DOCK3: variants seen among roughly 807,000 people sequenced by gnomAD.
DOCK3 encodes the protein dedicator of cytokinesis 3.
A neutral mutation model predicts 265.6 loss-of-function variants in DOCK3; 60 were observed. The observed-to-expected ratio is 0.23, with a 90% CI of 0.18 to 0.28. The LOEUF (loss-of-function observed/expected upper bound fraction) is 0.28. DOCK3 is among the 10% of genes least tolerant of loss of function. The probability of loss-of-function intolerance (pLI) is 1.00; values close to 1 mark genes in which losing one functional copy is unlikely to be tolerated. For synonymous variants in DOCK3, 881 were observed against 938.0 expected (o/e 0.94, Z 1.11); for missense variants, 1,981 against 2,594.3 (o/e 0.76, Z 5.14).
At chr3:50,862,119 T>G (rs2046944821) in intron 3 of DOCK3, among the ~76,000 whole-genome samples, 1 of 152,212 alleles carries the variant, frequency 6.6e-6, no homozygotes. Flanking sequence ...GATTTGGTGG[T>G]GATTATTTCT....
At chr3:50,711,363 A>G (rs1179097324) in intron 1 of DOCK3, among the ~76,000 whole-genome samples, 1 of 150,634 alleles carries the variant, frequency 6.6e-6, no homozygotes, top group African/African-American at 2.4e-5. Flanking sequence ...CTGGGTTCAC[A>G]TCATTCTCCT....
chr3:51,230,992 T>A (rs892676723), intron 19 of DOCK3, among the ~76,000 whole-genome samples: 1 of 152,108 alleles, frequency 6.6e-6, no homozygotes, highest in Non-Finnish European at 1.5e-5. Flanking sequence ...GGGTCAAATG[T>A]TAGTTCTAAG....
At chr3:50,985,473 T>G (rs1379705753) in intron 5 of DOCK3, among the ~76,000 whole-genome samples, 1 of 152,196 alleles carries the variant, frequency 6.6e-6, no homozygotes, top group Admixed American at 6.5e-5. Context: ...TTTAATAGAT[T>G]AAAAACCCCT....
intron 9 of DOCK3, among the ~76,000 whole-genome samples, chr3:51,105,555 T>G (rs2083249261): frequency 6.6e-6 from 1 of 152,176 alleles, no homozygotes; most frequent in African/African-American, 2.4e-5. Context: ...ATACATACAT[T>G]GTATCTATAT....
intron 5 of DOCK3, among the ~76,000 whole-genome samples, chr3:51,056,147 A>G (rs1414719455): frequency 6.6e-6 from 1 of 152,266 alleles, no homozygotes; most frequent in East Asian, 1.9e-4. Flanking sequence ...TTTGTTTCAC[A>G]AAAATTTCTA....
chr3:50,797,743 G>A (rs1436622982), intron 2 of DOCK3, among the ~76,000 whole-genome samples: 2 of 152,152 alleles, frequency 1.3e-5, no homozygotes, highest in Non-Finnish European at 2.9e-5. Flanking sequence ...ATACCTCATT[G>A]TTGGTTTTGT....
At chr3:51,028,574 T>A (rs2079914680) in intron 5 of DOCK3, among the ~76,000 whole-genome samples, 1 of 152,180 alleles carries the variant, frequency 6.6e-6, no homozygotes, top group African/African-American at 2.4e-5. Flanking sequence ...ATGGGCTTGG[T>A]TGCTTTACAT....
intron 1 of DOCK3, among the ~76,000 whole-genome samples, chr3:50,707,500 A>G (rs975216810): frequency 6.6e-6 from 1 of 152,072 alleles, no homozygotes; most frequent in Admixed American, 6.5e-5. Context: ...ATAGCCTAAT[A>G]CATCCCTGTA....
At chr3:50,962,974 G>A (rs1559868321) in intron 5 of DOCK3, among the ~76,000 whole-genome samples, 2 of 152,190 alleles carry the variant, frequency 1.3e-5, no homozygotes, top group African/African-American at 4.8e-5. Context: ...ATCACCTGAG[G>A]TCAGGAGTTT....
At chr3:51,379,095 C>G (rs1417121246) in intron 51 of DOCK3, among the ~76,000 whole-genome samples, 1 of 152,200 alleles carries the variant, frequency 6.6e-6, no homozygotes, top group African/African-American at 2.4e-5. Context: ...TGTGCTCTCT[C>G]TATATTCTCT....
chr3:51,165,733 G>T (rs1417617167), intron 12 of DOCK3, among the ~76,000 whole-genome samples: 1 of 152,096 alleles, frequency 6.6e-6, no homozygotes, highest in African/African-American at 2.4e-5. Flanking sequence ...GCTTAGCACA[G>T]TGCCCCCTAG....
chr3:51,187,605 T>C (rs760726431), intron 12 of DOCK3, among the ~76,000 whole-genome samples: 1 of 152,146 alleles, frequency 6.6e-6, no homozygotes, highest in East Asian at 1.9e-4. Flanking sequence ...AAATCTCATC[T>C]TGTAGCTCTC....
chr3:51,093,078 G>A (rs141547442), intron 9 of DOCK3, among the ~76,000 whole-genome samples: 381 of 152,270 alleles, frequency 2.5e-3, no homozygotes, highest in Non-Finnish European at 4.5e-3. Flanking sequence ...TTTGGTTACC[G>A]TAGCCTTGTA....
chr3:50,833,246 G>A (rs191786737), intron 2 of DOCK3, among the ~76,000 whole-genome samples: 8 of 152,216 alleles, frequency 5.3e-5, no homozygotes, highest in East Asian at 3.9e-4. Context: ...ATAAAACTTC[G>A]AAACAACTGA....
chr3:51,271,311 A>C (rs1338101445), intron 24 of DOCK3, among the ~76,000 whole-genome samples: 1 of 152,222 alleles, frequency 6.6e-6, no homozygotes, highest in East Asian at 1.9e-4. Context: ...TGTAAACAGC[A>C]AACTTTCTCA....
rs147459880 is a variant in DOCK3 at position 51,262,050 on chromosome 3, G to C, written c.2355+1724G>C. Reference sequence around the variant, plus strand: ...AGGGAATGGGAGATCTCCCAGCACAGTGCTCGAGCTCTGCTAAGGGACAGA... The same window carrying C: ...AGGGAATGGGAGATCTCCCAGCACACTGCTCGAGCTCTGCTAAGGGACAGA... On this transcript the variant is annotated intron_variant, in intron 23 of 52. Coordinates refer to ENST00000266037, the MANE Select transcript of DOCK3 (RefSeq NM_004947.5). Among the ~76,000 whole-genome samples, 15 of 152,320 alleles carry C rather than the reference G, an allele frequency of 9.8e-5. No homozygotes were observed. The East Asian group carries it at 2.5e-3, about 25-fold the overall frequency.
chr3:51,295,010 A>C (rs2081999777), intron 27 of DOCK3, among the ~76,000 whole-genome samples: 1 of 152,234 alleles, frequency 6.6e-6, no homozygotes, highest in South Asian at 2.1e-4. Flanking sequence ...TAATAATTAT[A>C]TACAATTATT....
At chr3:50,775,720 G>A (rs1245621337) in intron 1 of DOCK3, among the ~76,000 whole-genome samples, 3 of 152,024 alleles carry the variant, frequency 2.0e-5, no homozygotes, top group Non-Finnish European at 2.9e-5. Context: ...TATCCAATAT[G>A]TAGTCTTTTA....
intron 1 of DOCK3, among the ~76,000 whole-genome samples, chr3:50,776,497 A>G (rs1053382457): frequency 2.7e-5 from 4 of 150,850 alleles, no homozygotes; most frequent in Admixed American, 6.6e-5. Context: ...TCAGCTGCAT[A>G]GTTTGCAGAT....
Sources: gnomAD v4.1 joint callset for allele counts (sites outside exome capture counted in the v4.1 genomes callset) on GRCh38, gnomAD v4.1.1 for gene constraint, MANE v1.5 for transcripts, NCBI Gene and HGNC (gene_info 2026-07-23, HGNC 2026-07-21) for gene names.